The following PLEKHA7 variants were observed in gnomAD, a reference collection of about 807,000 sequenced individuals.
The protein encoded by PLEKHA7 is pleckstrin homology domain containing A7.
Under a neutral mutation model 170.0 loss-of-function variants are expected in PLEKHA7, and 104 were observed. The observed-to-expected ratio is 0.61, with a 90% CI of 0.52 to 0.72. The LOEUF (loss-of-function observed/expected upper bound fraction) is 0.72. PLEKHA7 is among the 30% of genes least tolerant of loss of function. The pLI is 0.00. For synonymous variants in PLEKHA7, 648 were observed against 660.8 expected (o/e 0.98, Z 0.30); for missense variants, 1,615 against 1,671.7 (o/e 0.97, Z 0.59).
At chr11:16,987,308 C>T (rs1320591342) in intron 3 of PLEKHA7, among the ~76,000 whole-genome samples, 1 of 151,812 alleles carries the variant, frequency 6.6e-6, no homozygotes, top group African/African-American at 2.4e-5. Context: ...CTCCGCCCCC[C>T]AGAAGCCAGC....
intron 3 of PLEKHA7, among the ~76,000 whole-genome samples, chr11:17,012,657 G>C (rs954740307): frequency 1.3e-5 from 2 of 152,108 alleles, no homozygotes; most frequent in African/African-American, 4.8e-5. Flanking sequence ...AGCTCCATGA[G>C]CACCTAGAAC....
chr11:16,814,845 C>T (rs1165402000), intron 12 of PLEKHA7, among the ~76,000 whole-genome samples: 2 of 152,234 alleles, frequency 1.3e-5, no homozygotes, highest in Non-Finnish European at 2.9e-5. Context: ...TGCCTTTCCA[C>T]ATCCCAAGCA....
At chr11:16,863,556 C>G (rs557903214) in intron 4 of PLEKHA7, among the ~76,000 whole-genome samples, 2 of 152,300 alleles carry the variant, frequency 1.3e-5, no homozygotes, top group South Asian at 4.1e-4. Context: ...ACCTCAACAT[C>G]AAATGCTTGG....
rs148543439 is a variant in PLEKHA7 at position 16,968,505 on chromosome 11, A to G, written c.221+45484T>C. ...GGGGTCCTCTGGATGCTGTTGTCCA[A>G]CTGTTTCTGCCAGGCCATCTGGGGT... is the stretch of plus-strand genomic sequence containing the variant. On this transcript the variant is annotated intron_variant, in intron 3 of 26. Coordinates refer to ENST00000531066, the MANE Select transcript of PLEKHA7 (RefSeq NM_001329630.2). Among the ~76,000 whole-genome samples, 304 of 152,242 alleles carry G rather than the reference A, an allele frequency of 2.0e-3. 3 individuals are homozygous for G. The highest frequency in any genetic ancestry group is 6.7e-3 in the African/African-American group (280 of 41,530).
chr11:16,908,686 G>C (rs1477398899), intron 3 of PLEKHA7, among the ~76,000 whole-genome samples: 2 of 152,054 alleles, frequency 1.3e-5, no homozygotes, highest in East Asian at 1.9e-4. Flanking sequence ...AGTAGAGATG[G>C]TGTTTCACCA....
chr11:16,808,705 T>C (rs1849155318), intron 13 of PLEKHA7, among the ~76,000 whole-genome samples: 1 of 152,192 alleles, frequency 6.6e-6, no homozygotes, highest in South Asian at 2.1e-4. Context: ...GGTACCCTCA[T>C]CTTCCTGGCT....
chr11:16,898,406 C>G (rs991327035), intron 3 of PLEKHA7, among the ~76,000 whole-genome samples: 1 of 152,124 alleles, frequency 6.6e-6, no homozygotes, highest in African/African-American at 2.4e-5. Flanking sequence ...TGTTCAGTGG[C>G]CTTTGGAAAG....
At chr11:16,981,681 T>C (rs1281036670) in intron 3 of PLEKHA7, among the ~76,000 whole-genome samples, 1 of 151,652 alleles carries the variant, frequency 6.6e-6, no homozygotes, top group Non-Finnish European at 1.5e-5. Flanking sequence ...GGCTCTTGAG[T>C]TGCAAAGAGA....
chr11:16,814,109 T>C (rs1486390429), intron 12 of PLEKHA7, among the ~76,000 whole-genome samples: 2 of 152,168 alleles, frequency 1.3e-5, no homozygotes, highest in South Asian at 2.1e-4. Flanking sequence ...AGGGCTCTTA[T>C]GCATGGGAAT....
Position 16,817,132 on chromosome 11 carries a change from G to A in PLEKHA7, c.1534C>T (p.Arg512Cys), listed in dbSNP as rs138081083. The part of the protein sequence containing the change: ...ASHLKMSSEE[R>C]RAHRDGTVWQ... ...ACGGTGCCATCCCGGTGCGCCCGGCGCTCTTCACTCGACATCTTCAGGTGG... is the reference window on the plus strand; with the variant it reads ...ACGGTGCCATCCCGGTGCGCCCGGCACTCTTCACTCGACATCTTCAGGTGG... Residue 512 changes from arginine to cysteine, a missense_variant, in exon 11 of 27, where the codon CGC (arginine) becomes TGC (cysteine). Arg to Cys is a radical substitution (Grantham distance 180, BLOSUM62 -3). Coordinates refer to ENST00000531066, the MANE Select transcript of PLEKHA7 (RefSeq NM_001329630.2). This position sits in a 1 kb window ranked among gnomAD's most constrained non-coding sequence, Gnocchi z 4.4. 6.6e-5 allele frequency: 107 copies of A among 1,614,198 alleles called. No individual in the cohort carries two copies. The highest frequency in any genetic ancestry group is 1.3e-4 in the African/African-American group (10 of 75,072).
At chr11:16,880,541 G>A (rs1404446648) in intron 3 of PLEKHA7, among the ~76,000 whole-genome samples, 1 of 152,158 alleles carries the variant, frequency 6.6e-6, no homozygotes, top group Non-Finnish European at 1.5e-5. Flanking sequence ...AGCATGTTCA[G>A]CCTGCTCTAG....
intron 3 of PLEKHA7, among the ~76,000 whole-genome samples, chr11:16,891,694 A>G (rs1198285868): frequency 1.3e-5 from 2 of 152,180 alleles, no homozygotes; most frequent in Non-Finnish European, 2.9e-5. Flanking sequence ...ATGTTATTCA[A>G]TTTTAAACTG....
intron 4 of PLEKHA7, among the ~76,000 whole-genome samples, chr11:16,861,862 A>G (rs1316390391): frequency 6.6e-6 from 1 of 152,214 alleles, no homozygotes; most frequent in Non-Finnish European, 1.5e-5. Context: ...AAATGAGAAG[A>G]GGACACATTC....
rs1022853597 is a variant in PLEKHA7, at chr11:16,791,702, T to C, written c.2746-503A>G. 1.5e-5 allele frequency: 7 copies of C among 457,746 alleles called. No individual in the cohort carries two copies. Among genetic ancestry groups the C allele is most frequent in the South Asian group, 7.7e-5 (5 of 64,582 alleles). 28.4% of individuals were successfully genotyped at this position (457,746 alleles called of 1,614,324 possible). The stretch of plus-strand genomic sequence containing the variant: ...GACCTGAACAAGGACAGAGTCTACA[T>C]CCTCCTGGCCTTTCTATCAGAAATG... On this transcript the variant is annotated intron_variant, in intron 19 of 26. Coordinates refer to ENST00000531066, the MANE Select transcript of PLEKHA7 (RefSeq NM_001329630.2). The surrounding 1 kb of genome is among the most constrained non-coding windows in gnomAD (Gnocchi z 4.5).
At chr11:16,998,881 A>T (rs1023625376) in intron 3 of PLEKHA7, among the ~76,000 whole-genome samples, 1 of 151,832 alleles carries the variant, frequency 6.6e-6, no homozygotes. Flanking sequence ...TTTGGTGGGT[A>T]GGAAATCATT....
At position 17,014,150 on chromosome 11, in the gene PLEKHA7, G is replaced by A. The variant is rs1453934856; in HGVS notation, c.138C>T (p.Val46=). 3 of 1,602,034 alleles carry A rather than the reference G, an allele frequency of 1.9e-6. No homozygotes were observed. In the East Asian group the frequency reaches 6.8e-5, roughly 36 times the overall value. The change falls in exon 2 of 27, where the codon GTC becomes GTT. Residue 46 remains valine, a synonymous_variant. Transcript: ENST00000531066. ...CTGAGCGGATCATGTGGCCCGAGTT[G>A]ACGGGCTCCCCGGTGCGCGGATGCA... The part of the protein sequence containing the change: ...TWLHPRTGEP[V]NSGHMIRSDL...
At chr11:16,893,748 A>T in intron 3 of PLEKHA7, among the ~76,000 whole-genome samples, 1 of 152,220 alleles carries the variant, frequency 6.6e-6, no homozygotes, top group African/African-American at 2.4e-5. Flanking sequence ...TTACTCCGTA[A>T]ACCAGGACTG....
At chr11:17,005,061 T>C (rs879779536) in intron 3 of PLEKHA7, among the ~76,000 whole-genome samples, 1 of 152,196 alleles carries the variant, frequency 6.6e-6, no homozygotes, top group Non-Finnish European at 1.5e-5. Flanking sequence ...ATTCCACATA[T>C]TGAGGCTGAA....
At chr11:16,902,938 C>T (rs1003607959) in intron 3 of PLEKHA7, among the ~76,000 whole-genome samples, 3 of 152,190 alleles carry the variant, frequency 2.0e-5, no homozygotes, top group Non-Finnish European at 4.4e-5. Flanking sequence ...TGAAACAGCT[C>T]TTCCCATAAG....
Sources: allele counts gnomAD v4.1 joint callset (sites outside exome capture counted in the v4.1 genomes callset), GRCh38; gene constraint gnomAD v4.1.1; non-coding constraint Gnocchi (gnomAD v3.1); transcripts MANE v1.5; gene names NCBI Gene and HGNC (gene_info 2026-07-23, HGNC 2026-07-21).